The following PI4K2B variants were observed in gnomAD, a reference collection of about 807,000 sequenced individuals.
The protein encoded by PI4K2B is phosphatidylinositol 4-kinase type 2-beta.
PI4K2B carries 46 observed loss-of-function variants against 56.6 expected under a neutral mutation model. That is an observed-to-expected ratio of 0.81 (90% CI 0.64 to 1.04). The LOEUF (loss-of-function observed/expected upper bound fraction) is 1.04. Ranked by LOEUF, PI4K2B falls within the 50% of genes least tolerant of loss-of-function variation. PI4K2B has a pLI of 0.00. For synonymous variants in PI4K2B, 211 were observed against 223.8 expected, an observed-to-expected ratio of 0.94 and a Z score of 0.51; for missense variants, 556 against 607.7, an observed-to-expected ratio of 0.91 and a Z score of 0.89.
chr4:25,254,908 C>CT (rs1716198751), intron 2 of PI4K2B, among the ~76,000 whole-genome samples, 157 bp from the exon 3 acceptor site: 1 of 152,122 alleles, frequency 6.6e-6, no homozygotes, highest in African/African-American at 2.4e-5. Flanking sequence ...AACTAAATCT[C>CT]TTAATAGTTG....
At chr4:25,268,386 G>A (rs1299498408) in intron 7 of PI4K2B, 57 bp from the exon 8 acceptor site, 5 of 1,422,942 alleles carry the variant, frequency 3.5e-6, no homozygotes, top group Non-Finnish European at 4.8e-6. Flanking sequence ...CGGGAAAAAT[G>A]TAAGTCTAAA....
chr4:25,242,318 C>G (rs1009615384), intron 1 of PI4K2B, among the ~76,000 whole-genome samples: 1 of 152,198 alleles, frequency 6.6e-6, no homozygotes, highest in African/African-American at 2.4e-5. Context: ...GAGAAGTGGC[C>G]TAGACCTTGG....
At chr4:25,261,168 A>G (rs1344961599) in intron 6 of PI4K2B, among the ~76,000 whole-genome samples, 1 of 151,970 alleles carries the variant, frequency 6.6e-6, no homozygotes, top group Non-Finnish European at 1.5e-5. Context: ...ATTTTTGTTC[A>G]CCATGTTTGT....
chr4:25,245,416 T>C (rs1305020393), intron 1 of PI4K2B, among the ~76,000 whole-genome samples: 4 of 152,126 alleles, frequency 2.6e-5, no homozygotes, highest in Admixed American at 2.6e-4. Flanking sequence ...TGACATGCCT[T>C]GGAGAGTTCC....
At position 25,274,883 on chromosome 4, in the gene PI4K2B, C is replaced by T. The variant is rs551771676; in HGVS notation, c.1273-2131C>T. Among the ~76,000 whole-genome samples the T allele has an allele frequency of 4.6e-5, 7 of 152,258 alleles. No homozygotes were observed. The South Asian group carries it at 1.4e-3, about 32-fold the overall frequency. On this transcript the variant is annotated intron_variant, in intron 9 of 9. Coordinates refer to ENST00000264864, the MANE Select transcript of PI4K2B (RefSeq NM_018323.4). Reference sequence around the variant, plus strand: ...CGATCTCAGCTCACTGCAACCTCTGCCACCCAGGTTCAAGCGATCCTTGTG... The same window carrying T: ...CGATCTCAGCTCACTGCAACCTCTGTCACCCAGGTTCAAGCGATCCTTGTG...
intron 2 of PI4K2B, 61 bp downstream of exon 2, chr4:25,252,536 T>C: frequency 9.8e-7 from 1 of 1,019,502 alleles, no homozygotes; most frequent in Non-Finnish European, 1.5e-6. Context: ...AATTTAAATA[T>C]GAAATCATTG....
intron 1 of PI4K2B, among the ~76,000 whole-genome samples, chr4:25,250,269 A>C (rs560723885): frequency 8.3e-4 from 126 of 152,280 alleles, no homozygotes; most frequent in African/African-American, 2.9e-3. Context: ...GAGCCATAAA[A>C]AAGAACGAGA....
At chr4:25,264,553 G>C (rs28617674) in intron 7 of PI4K2B, among the ~76,000 whole-genome samples, 14,170 of 152,130 alleles carry the variant, frequency 0.093, 796 homozygotes, top group African/African-American at 0.16. Context: ...GTTTATTATA[G>C]TTGTTTTCTG....
In PI4K2B at chr4:25,243,796, A is replaced by C. The variant is rs750057743; in HGVS notation, c.269-8525A>C. On this transcript the variant is annotated intron_variant, in intron 1 of 9. Coordinates refer to ENST00000264864, the MANE Select transcript of PI4K2B (RefSeq NM_018323.4). ...TTGAATAATTCATGGGCTTTTTTCT[A>C]ATTCTCAGTCTTTCTAGAACACAGG... Among the ~76,000 whole-genome samples, 171 of 152,216 alleles carry C rather than the reference A, an allele frequency of 1.1e-3. 1 individual carries two copies. Among genetic ancestry groups the C allele is most frequent in the Non-Finnish European group, 1.3e-3 (90 of 68,024 alleles).
At chr4:25,245,151 G>C (rs887055403) in intron 1 of PI4K2B, among the ~76,000 whole-genome samples, 4 of 152,178 alleles carry the variant, frequency 2.6e-5, no homozygotes. Flanking sequence ...GTTCCAGGTA[G>C]TCCCCACTAC....
chr4:25,276,787 AT>A (rs2109028479), intron 9 of PI4K2B: 1 of 984,894 alleles, frequency 1.0e-6, no homozygotes, highest in East Asian at 1.1e-4. Flanking sequence ...GGCAAAAGTT[AT>A]TTAATGCTAA....
intron 7 of PI4K2B, among the ~76,000 whole-genome samples, chr4:25,265,029 C>G (rs897930138): frequency 1.3e-5 from 2 of 151,756 alleles, no homozygotes; most frequent in Admixed American, 6.6e-5. Flanking sequence ...AACTCCATCT[C>G]TACTAAAAAT....
chr4:25,238,958 T>C (rs1715393592), intron 1 of PI4K2B, among the ~76,000 whole-genome samples: 1 of 152,158 alleles, frequency 6.6e-6, no homozygotes, highest in Non-Finnish European at 1.5e-5. Context: ...GAGAGCTGAT[T>C]GGTCCATTTT....
chr4:25,249,517 C>T lies in PI4K2B; in HGVS notation c.269-2804C>T, dbSNP rs1462958398. ...CCTCCCGGACGGGGTGGCTGCCGGGCGGAGGGGCTCCTCACTTCCCAGATG... is the reference window on the plus strand; with the variant it reads ...CCTCCCGGACGGGGTGGCTGCCGGGTGGAGGGGCTCCTCACTTCCCAGATG... On this transcript the variant is annotated intron_variant, in intron 1 of 9. Transcript: ENST00000264864. Among the ~76,000 whole-genome samples the T allele has an allele frequency of 6.2e-5, 9 of 144,882 alleles. No individual in the cohort carries two copies. In the East Asian group the frequency reaches 6.7e-4, roughly 11 times the overall value.
At chr4:25,234,533 C>A in intron 1 of PI4K2B, 102 bp downstream of exon 1, 1 of 824,910 alleles carries the variant, frequency 1.2e-6, no homozygotes, top group Non-Finnish European at 1.6e-6. Context: ...GGTGGACGGG[C>A]TTTCCCCGCT....
At position 25,252,362 on chromosome 4, in the gene PI4K2B, C is replaced by G; in HGVS notation, c.310C>G (p.Pro104Ala). The G allele has an allele frequency of 1.2e-6, 2 of 1,609,592 alleles. No individual in the cohort carries two copies. Among genetic ancestry groups the G allele is most frequent in the South Asian group, 2.2e-5 (2 of 90,962 alleles). The change falls in exon 2 of 10, where the codon CCA becomes GCA. Residue 104 changes from proline (P) to alanine (A), a missense_variant. Pro to Ala is a conservative substitution (Grantham distance 27). Coordinates refer to ENST00000264864, the MANE Select transcript of PI4K2B (RefSeq NM_018323.4). Reference protein sequence around the residue: ...TSEMNAFLDDPEFADIMLRAE... With the variant: ...TSEMNAFLDDAEFADIMLRAE... ...AGAGATGAATGCATTCTTGGATGAC[C>G]CAGAATTTGCCGATATTATGCTGAG... is the stretch of plus-strand genomic sequence containing the variant.
chr4:25,250,243 A>G (rs544241235), intron 1 of PI4K2B, among the ~76,000 whole-genome samples: 1 of 152,162 alleles, frequency 6.6e-6, no homozygotes, highest in African/African-American at 2.4e-5. Flanking sequence ...GGAGAGGGAG[A>G]GGGAGAATGT....
At chr4:25,273,931 C>T (rs543991833) in intron 9 of PI4K2B, among the ~76,000 whole-genome samples, 1 of 152,264 alleles carries the variant, frequency 6.6e-6, no homozygotes, top group South Asian at 2.1e-4. Flanking sequence ...ACTGCTCTTC[C>T]TTCCCCTTTC....
At chr4:25,240,759 C>A (rs996691279) in intron 1 of PI4K2B, among the ~76,000 whole-genome samples, 16 of 152,068 alleles carry the variant, frequency 1.1e-4, no homozygotes, top group Non-Finnish European at 2.4e-4. Flanking sequence ...TCTTTGATTT[C>A]TTTGTCTCTT....
Sources: allele counts gnomAD v4.1 joint callset (sites outside exome capture counted in the v4.1 genomes callset), GRCh38; gene constraint gnomAD v4.1.1; transcripts MANE v1.5; gene names NCBI Gene and HGNC (gene_info 2026-07-23, HGNC 2026-07-21).